Variants in GABRG3 observed in about 807,000 individuals in gnomAD.
GABRG3 encodes the protein gamma-aminobutyric acid type A receptor subunit gamma3, also known as gamma-aminobutyric acid receptor subunit gamma-3.
In GABRG3, 25 loss-of-function variants were observed where a neutral mutation model predicts 48.8. That is an observed-to-expected ratio of 0.51 (90% CI 0.37 to 0.72). GABRG3 has a LOEUF of 0.72. Ranked by LOEUF, GABRG3 falls within the 30% of genes least tolerant of loss-of-function variation. The probability of loss-of-function intolerance (pLI) is 0.00; values close to 1 mark genes in which losing one functional copy is unlikely to be tolerated. For missense variants in GABRG3, 394 were observed against 577.9 expected, an observed-to-expected ratio of 0.68 and a Z score of 3.26; for synonymous variants, 227 against 217.6, an observed-to-expected ratio of 1.04 and a Z score of -0.38.
chr15:27,419,377 C>G (rs1888041666), intron 5 of GABRG3, among the ~76,000 whole-genome samples: 1 of 152,072 alleles, frequency 6.6e-6, no homozygotes, highest in Non-Finnish European at 1.5e-5. Context: ...GTCCCCTGTT[C>G]CTTTTAAGCC....
Position 27,049,913 on chromosome 15 carries a change from C to G in GABRG3, c.270+23092C>G, listed in dbSNP as rs1896428550. ...TCTGTTTTTGTATTTGTTAAACCCTCTTGTGGACGGGCTGATTGTGGATTA... is the reference window on the plus strand; with the variant it reads ...TCTGTTTTTGTATTTGTTAAACCCTGTTGTGGACGGGCTGATTGTGGATTA... On this transcript the variant is annotated intron_variant, in intron 3 of 9. Coordinates refer to ENST00000615808, the MANE Select transcript of GABRG3 (RefSeq NM_033223.5). 2.0e-5 allele frequency among the ~76,000 whole-genome samples: 3 copies of G among 152,188 alleles called. No homozygotes were observed. The South Asian group carries it at 6.2e-4, about 32-fold the overall frequency.
chr15:27,307,838 AAAAT>A (rs952651641), intron 3 of GABRG3, among the ~76,000 whole-genome samples: 22 of 130,716 alleles, frequency 1.7e-4, no homozygotes, highest in Non-Finnish European at 4.9e-5. Context: ...AAACATATAT[AAAAT>A]AAACATGTTT....
At chr15:27,049,289 C>T (rs928250771) in intron 3 of GABRG3, among the ~76,000 whole-genome samples, 14 of 152,338 alleles carry the variant, frequency 9.2e-5, no homozygotes, top group Admixed American at 4.6e-4. Flanking sequence ...CATGCTTTCG[C>T]GTTACATGGG....
At chr15:27,509,611 T>C (rs1237547760) in intron 6 of GABRG3, among the ~76,000 whole-genome samples, 1 of 152,236 alleles carries the variant, frequency 6.6e-6, no homozygotes. Context: ...TCTTTGGCTA[T>C]GATAAGTTTA....
intron 3 of GABRG3, among the ~76,000 whole-genome samples, chr15:27,302,671 A>G (rs1372790130): frequency 6.6e-6 from 1 of 152,044 alleles, no homozygotes; most frequent in Non-Finnish European, 1.5e-5. Context: ...TTCTACCTAA[A>G]AACAGCAGAA....
intron 3 of GABRG3, among the ~76,000 whole-genome samples, chr15:27,308,523 C>T (rs895051394): frequency 1.3e-4 from 19 of 146,840 alleles, no homozygotes; most frequent in African/African-American, 4.7e-4. Context: ...TGTAAACATA[C>T]ATGTTTATAT....
intron 5 of GABRG3, among the ~76,000 whole-genome samples, chr15:27,399,899 C>T (rs1278728670): frequency 6.6e-6 from 1 of 152,134 alleles, no homozygotes; most frequent in East Asian, 1.9e-4. Flanking sequence ...AACTCAAGTC[C>T]AGAGCAGATG....
intron 3 of GABRG3, among the ~76,000 whole-genome samples, chr15:27,277,490 C>A (rs1891294331): frequency 6.6e-6 from 1 of 152,146 alleles, no homozygotes; most frequent in Admixed American, 6.5e-5. Context: ...TTCTGAGAAT[C>A]AATGATGCCT....
chr15:27,347,726 T>C (rs538554821), intron 5 of GABRG3, among the ~76,000 whole-genome samples: 1 of 152,186 alleles, frequency 6.6e-6, no homozygotes, highest in African/African-American at 2.4e-5. Flanking sequence ...GAGGTGGTTG[T>C]CCCCCAGAAG....
At chr15:27,435,282 G>A (rs1888577674) in intron 5 of GABRG3, among the ~76,000 whole-genome samples, 1 of 151,294 alleles carries the variant, frequency 6.6e-6, no homozygotes, top group African/African-American at 2.4e-5. Flanking sequence ...CTCTAGCAGA[G>A]TTTTGCAAGT....
intron 5 of GABRG3, among the ~76,000 whole-genome samples, chr15:27,427,651 A>G (rs561753515): frequency 6.6e-6 from 1 of 152,334 alleles, no homozygotes; most frequent in African/African-American, 2.4e-5. Flanking sequence ...TTGGATTCAA[A>G]GCCCTACCTC....
At chr15:27,275,402 T>C (rs1222994303) in intron 3 of GABRG3, among the ~76,000 whole-genome samples, 3 of 152,214 alleles carry the variant, frequency 2.0e-5, no homozygotes, top group East Asian at 1.9e-4. Flanking sequence ...CTTTAAATAT[T>C]GTAAAATAAC....
intron 3 of GABRG3, among the ~76,000 whole-genome samples, chr15:27,130,086 T>C (rs751661779): frequency 1.6e-4 from 24 of 152,170 alleles, no homozygotes; most frequent in Admixed American, 1.2e-3. Flanking sequence ...TTTTTTTCTT[T>C]TGTTGCTTGT....
rs1343946664 is a variant in GABRG3 at position 27,220,982 on chromosome 15, G to T, written c.271-105827G>T. Among the ~76,000 whole-genome samples, 3 of 148,972 alleles carry T rather than the reference G, an allele frequency of 2.0e-5. No individual in the cohort carries two copies. In the East Asian group the frequency reaches 5.9e-4, roughly 29 times the overall value. On this transcript the variant is annotated intron_variant, in intron 3 of 9. Coordinates refer to ENST00000615808, the MANE Select transcript of GABRG3 (RefSeq NM_033223.5). ...TCAACCTTTCCATTGGATGAACCTG[G>T]AATTGCTTCTTTTTTTTTTCTTTTT...
intron 3 of GABRG3, among the ~76,000 whole-genome samples, chr15:27,156,066 G>A (rs1898415586): frequency 6.6e-6 from 1 of 152,072 alleles, no homozygotes; most frequent in Non-Finnish European, 1.5e-5. Flanking sequence ...TCGGGAGGCT[G>A]AGGCAGGCGG....
chr15:27,091,417 G>A (rs1195808986), intron 3 of GABRG3, among the ~76,000 whole-genome samples: 1 of 152,160 alleles, frequency 6.6e-6, no homozygotes, highest in Non-Finnish European at 1.5e-5. Context: ...ATTCATAGGG[G>A]ATATTGTTCT....
intron 3 of GABRG3, among the ~76,000 whole-genome samples, chr15:27,193,429 G>A (rs1159047002): frequency 3.3e-5 from 5 of 152,004 alleles, no homozygotes; most frequent in African/African-American, 7.2e-5. Flanking sequence ...AATGGCGGGC[G>A]CCCCTCCCCC....
At chr15:27,380,955 C>T (rs1024071839) in intron 5 of GABRG3, among the ~76,000 whole-genome samples, 9 of 151,870 alleles carry the variant, frequency 5.9e-5, no homozygotes, top group Non-Finnish European at 8.8e-5. Flanking sequence ...TTAGTAGAGA[C>T]GGGGTTTCAC....
At chr15:27,097,127 C>G in intron 3 of GABRG3, among the ~76,000 whole-genome samples, 1 of 151,696 alleles carries the variant, frequency 6.6e-6, no homozygotes, top group South Asian at 2.1e-4. Flanking sequence ...GCTGGGATTA[C>G]AGGTGTGAGC....
Sources: gnomAD v4.1 joint callset for allele counts (sites outside exome capture counted in the v4.1 genomes callset) on GRCh38, gnomAD v4.1.1 for gene constraint, MANE v1.5 for transcripts, NCBI Gene and HGNC (gene_info 2026-07-23, HGNC 2026-07-21) for gene names.